ZNF804B: variants seen among roughly 807,000 people sequenced by gnomAD.
ZNF804B encodes zinc finger protein 804B.
Under a neutral mutation model 101.4 loss-of-function variants are expected in ZNF804B, and 80 were observed. The observed-to-expected ratio is 0.79, with a 90% CI of 0.66 to 0.95. ZNF804B has a LOEUF of 0.95. Among genes scored for constraint, ZNF804B ranks in the 40% least tolerant of loss-of-function variants. The probability of loss-of-function intolerance (pLI) is 0.00; values close to 1 mark genes in which losing one functional copy is unlikely to be tolerated. For missense variants in ZNF804B, 1,673 were observed against 1,561.9 expected, an observed-to-expected ratio of 1.07 and a Z score of -1.20; for synonymous variants, 622 against 558.8, an observed-to-expected ratio of 1.11 and a Z score of -1.59.
intron 1 of ZNF804B, among the ~76,000 whole-genome samples, chr7:89,167,597 G>A (rs991291234): frequency 6.6e-6 from 1 of 152,026 alleles, no homozygotes; most frequent in Non-Finnish European, 1.5e-5. Flanking sequence ...TTTCTATAAC[G>A]CTTTTAAAGG....
chr7:88,806,305 C>T (rs1048272187), intron 1 of ZNF804B, among the ~76,000 whole-genome samples: 1 of 152,070 alleles, frequency 6.6e-6, no homozygotes, highest in African/African-American at 2.4e-5. Flanking sequence ...TTTAGCTATA[C>T]AACTTGAGTA....
intron 1 of ZNF804B, among the ~76,000 whole-genome samples, chr7:88,795,485 T>C (rs1790465925): frequency 1.3e-5 from 2 of 152,132 alleles, no homozygotes; most frequent in African/African-American, 2.4e-5. Flanking sequence ...CTTTGTTTTT[T>C]CTCCTATCGA....
intron 1 of ZNF804B, among the ~76,000 whole-genome samples, chr7:88,855,925 C>G (rs576891701): frequency 1.1e-3 from 166 of 152,136 alleles, no homozygotes; most frequent in African/African-American, 3.8e-3. Context: ...AGATATGTGG[C>G]ATTATTTCTG....
intron 1 of ZNF804B, among the ~76,000 whole-genome samples, chr7:88,850,412 C>T (rs752560330): frequency 7.2e-5 from 11 of 152,174 alleles, no homozygotes; most frequent in Non-Finnish European, 1.6e-4. Flanking sequence ...TACAGTCTCC[C>T]GTGATTATTC....
intron 1 of ZNF804B, among the ~76,000 whole-genome samples, chr7:89,213,939 CAAT>C (rs1389925922): frequency 6.6e-6 from 1 of 152,074 alleles, no homozygotes; most frequent in African/African-American, 2.4e-5. Context: ...GTAATAATTA[CAAT>C]AATAGTAACA....
At chr7:89,188,544 A>G (rs1480270716) in intron 1 of ZNF804B, among the ~76,000 whole-genome samples, 3 of 152,184 alleles carry the variant, frequency 2.0e-5, no homozygotes, top group East Asian at 3.9e-4. Context: ...AGGCATGGCA[A>G]AAGCTGAGAT....
Position 89,247,463 on chromosome 7 carries a change from G to A in ZNF804B, c.249+29168G>A, listed in dbSNP as rs374687403. 2.8e-4 allele frequency among the ~76,000 whole-genome samples: 42 copies of A among 152,202 alleles called. No individual in the cohort carries two copies. In the East Asian group the frequency reaches 7.7e-3, roughly 28 times the overall value. On this transcript the variant is annotated intron_variant, in intron 2 of 3. Coordinates refer to ENST00000333190, the MANE Select transcript of ZNF804B (RefSeq NM_181646.5). ...CAACCACAGAGCCCAATATTCAACT[G>A]CTGACAGAAGCGCATAAGGCTATAG...
intron 2 of ZNF804B, among the ~76,000 whole-genome samples, chr7:89,278,177 G>A (rs935761033): frequency 3.3e-5 from 5 of 152,002 alleles, no homozygotes; most frequent in Admixed American, 1.3e-4. Flanking sequence ...CATATCCTTT[G>A]CCCACTTTTT....
intron 1 of ZNF804B, among the ~76,000 whole-genome samples, chr7:89,189,655 C>A (rs1474647958): frequency 1.3e-5 from 2 of 152,142 alleles, no homozygotes; most frequent in Non-Finnish European, 2.9e-5. Flanking sequence ...TAATTTACAG[C>A]TATTTGTGGT....
intron 1 of ZNF804B, among the ~76,000 whole-genome samples, chr7:89,078,511 C>T (rs1201836972): frequency 6.6e-6 from 1 of 151,848 alleles, no homozygotes; most frequent in Non-Finnish European, 1.5e-5. Context: ...TCCTACCATT[C>T]TTTACCAGAG....
intron 1 of ZNF804B, among the ~76,000 whole-genome samples, chr7:89,178,967 T>C (rs978163127): frequency 1.3e-5 from 2 of 152,158 alleles, no homozygotes; most frequent in Admixed American, 6.5e-5. Context: ...ATTTTTTCCT[T>C]CAGCATTTAA....
intron 1 of ZNF804B, among the ~76,000 whole-genome samples, chr7:88,802,367 C>A (rs1390932118): frequency 6.6e-6 from 1 of 152,092 alleles, no homozygotes; most frequent in African/African-American, 2.4e-5. Flanking sequence ...GTGGTCTAAG[C>A]AGCAGCAAGT....
At chr7:88,855,940 C>T (rs1791550277) in intron 1 of ZNF804B, among the ~76,000 whole-genome samples, 1 of 152,124 alleles carries the variant, frequency 6.6e-6, no homozygotes, top group Non-Finnish European at 1.5e-5. Flanking sequence ...TTTCTGAGGG[C>T]TCTATTCTGT....
At chr7:88,768,289 A>G (rs1313885393) in intron 1 of ZNF804B, among the ~76,000 whole-genome samples, 1 of 152,186 alleles carries the variant, frequency 6.6e-6, no homozygotes, top group Non-Finnish European at 1.5e-5. Context: ...TACTGTGAAT[A>G]CCTCTTCTGC....
intron 2 of ZNF804B, among the ~76,000 whole-genome samples, chr7:89,322,205 C>G (rs183356773): frequency 3.3e-5 from 5 of 152,082 alleles, no homozygotes; most frequent in African/African-American, 4.8e-5. Flanking sequence ...AACTGTTAAC[C>G]GCTTGACATA....
intron 1 of ZNF804B, among the ~76,000 whole-genome samples, chr7:89,212,252 TAC>T (rs67535390): frequency 0.038 from 3,264 of 86,956 alleles, 96 homozygotes; most frequent in East Asian, 0.12. Context: ...CATTCAGTGA[TAC>T]ACACACACAC....
At chr7:88,829,006 A>C (rs950906586) in intron 1 of ZNF804B, among the ~76,000 whole-genome samples, 1 of 152,168 alleles carries the variant, frequency 6.6e-6, no homozygotes, top group Admixed American at 6.6e-5. Context: ...AGAGAAAGAG[A>C]AAGAAAAGGA....
intron 1 of ZNF804B, among the ~76,000 whole-genome samples, chr7:89,039,715 C>A (rs1396627628): frequency 6.6e-6 from 1 of 151,554 alleles, no homozygotes; most frequent in Non-Finnish European, 1.5e-5. Context: ...AAGGAAAGAG[C>A]ATTCTTATCC....
chr7:89,088,450 T>C (rs1457479098), intron 1 of ZNF804B, among the ~76,000 whole-genome samples: 1 of 151,812 alleles, frequency 6.6e-6, no homozygotes, highest in Non-Finnish European at 1.5e-5. Flanking sequence ...TTTCTCACTT[T>C]TGAAAATGCT....
Sources: gnomAD v4.1 joint callset for allele counts (sites outside exome capture counted in the v4.1 genomes callset) on GRCh38, gnomAD v4.1.1 for gene constraint, MANE v1.5 for transcripts, NCBI Gene and HGNC (gene_info 2026-07-23, HGNC 2026-07-21) for gene names.